NCKAP5: variants seen among roughly 807,000 people sequenced by gnomAD.
NCKAP5 encodes nck-associated protein 5.
NCKAP5 carries 92 observed loss-of-function variants against 167.0 expected under a neutral mutation model. That is an observed-to-expected ratio of 0.55 (90% CI 0.47 to 0.66). The LOEUF (loss-of-function observed/expected upper bound fraction) is 0.66. NCKAP5 is among the 30% of genes least tolerant of loss of function. The pLI, the probability that NCKAP5 is intolerant of heterozygous loss-of-function variation, is 0.00. For missense variants in NCKAP5, 2,378 were observed against 2,315.0 expected (o/e 1.03, Z -0.56); for synonymous variants, 891 against 877.4 (o/e 1.02, Z -0.27).
chr2:133,482,705 T>C (rs1204161275), intron 3 of NCKAP5, among the ~76,000 whole-genome samples: 1 of 152,230 alleles, frequency 6.6e-6, no homozygotes, highest in East Asian at 1.9e-4. Flanking sequence ...TCTAGATTTT[T>C]GAGAAATCTC....
chr2:133,219,225 G>C (rs543975279), intron 4 of NCKAP5, among the ~76,000 whole-genome samples: 1 of 152,320 alleles, frequency 6.6e-6, no homozygotes, highest in Non-Finnish European at 1.5e-5. Flanking sequence ...GTAGGCCACA[G>C]GGGAGGCAAT....
At chr2:133,442,958 T>G (rs569055351) in intron 3 of NCKAP5, among the ~76,000 whole-genome samples, 1 of 152,246 alleles carries the variant, frequency 6.6e-6, no homozygotes, top group East Asian at 1.9e-4. Context: ...TCTAGTAAGA[T>G]AAACAGCATT....
intron 3 of NCKAP5, among the ~76,000 whole-genome samples, chr2:133,325,837 T>C (rs1332662173): frequency 6.6e-6 from 1 of 152,170 alleles, no homozygotes; most frequent in Admixed American, 6.5e-5. Flanking sequence ...CTTCAGCATT[T>C]GAGTACTCAC....
At chr2:132,862,712 A>T (rs1690010418) in intron 10 of NCKAP5, among the ~76,000 whole-genome samples, 1 of 151,242 alleles carries the variant, frequency 6.6e-6, no homozygotes, top group African/African-American at 2.4e-5. Flanking sequence ...GTCAGCCGAG[A>T]TCGTGCCACT....
chr2:133,437,296 T>C (rs923649811), intron 3 of NCKAP5, among the ~76,000 whole-genome samples: 2 of 150,946 alleles, frequency 1.3e-5, no homozygotes, highest in African/African-American at 4.9e-5. Context: ...GAGGTTGCAG[T>C]GAGCCGAGAT....
chr2:133,615,501 C>T, the NCKAP5 span, among the ~76,000 whole-genome samples: 2 of 152,084 alleles, frequency 1.3e-5, no homozygotes, highest in Non-Finnish European at 1.5e-5. Flanking sequence ...GGTTGCAGTC[C>T]TACTCTCTGA....
chr2:133,660,151 A>G, the NCKAP5 span, among the ~76,000 whole-genome samples: 1 of 152,156 alleles, frequency 6.6e-6, no homozygotes, highest in South Asian at 2.1e-4. Flanking sequence ...ACCTGTCATC[A>G]CTGTATTCCA....
chr2:133,026,676 GT>G (rs2078709078), intron 6 of NCKAP5, among the ~76,000 whole-genome samples: 1 of 152,272 alleles, frequency 6.6e-6, no homozygotes, highest in East Asian at 1.9e-4. Flanking sequence ...AGACTGAACT[GT>G]TTTTGAGAAA....
intron 3 of NCKAP5, among the ~76,000 whole-genome samples, chr2:133,514,075 G>A (rs1042042480): frequency 2.0e-5 from 3 of 152,124 alleles, no homozygotes; most frequent in African/African-American, 4.8e-5. Context: ...AAGAGGACTC[G>A]ATTTCTGGGG....
chr2:132,712,266 T>C (rs992455052), intron 19 of NCKAP5, among the ~76,000 whole-genome samples: 3 of 152,170 alleles, frequency 2.0e-5, no homozygotes, highest in African/African-American at 7.2e-5. Context: ...CCTCTTCCCC[T>C]TTATGCCCAC....
intron 4 of NCKAP5, among the ~76,000 whole-genome samples, chr2:133,283,341 A>C (rs1303083386): frequency 6.6e-6 from 1 of 152,006 alleles, no homozygotes; most frequent in Non-Finnish European, 1.5e-5. Context: ...TCCTTTGTTC[A>C]CCCCCAGTAA....
At chr2:133,361,512 A>T (rs1033096018) in intron 3 of NCKAP5, among the ~76,000 whole-genome samples, 1 of 152,246 alleles carries the variant, frequency 6.6e-6, no homozygotes, top group African/African-American at 2.4e-5. Context: ...GTATTAGTGA[A>T]CAACTTTTGA....
intron 3 of NCKAP5, among the ~76,000 whole-genome samples, chr2:133,398,861 G>T (rs1169840767): frequency 6.6e-6 from 1 of 152,152 alleles, no homozygotes; most frequent in Non-Finnish European, 1.5e-5. Flanking sequence ...GCCCGACAGG[G>T]TTTAAACACT....
At chr2:133,470,222 T>C (rs1692944760) in intron 3 of NCKAP5, among the ~76,000 whole-genome samples, 2 of 152,128 alleles carry the variant, frequency 1.3e-5, no homozygotes, top group Admixed American at 6.5e-5. Flanking sequence ...TTAGTTTTCC[T>C]TCTAACAGAC....
chr2:133,302,930 G>T, intron 4 of NCKAP5, 107 bp downstream of exon 4: 3 of 733,246 alleles, frequency 4.1e-6, no homozygotes, highest in Non-Finnish European at 6.8e-6. Context: ...TTTTTAGCCA[G>T]ACAAGGACTT....
intron 6 of NCKAP5, among the ~76,000 whole-genome samples, chr2:133,082,562 C>T (rs557343091): frequency 6.6e-6 from 1 of 152,238 alleles, no homozygotes; most frequent in African/African-American, 2.4e-5. Context: ...TGGCTGGTGC[C>T]AGCATTTCCA....
intron 3 of NCKAP5, among the ~76,000 whole-genome samples, chr2:133,446,036 A>G (rs1471353553): frequency 6.6e-6 from 1 of 152,176 alleles, no homozygotes; most frequent in Non-Finnish European, 1.5e-5. Flanking sequence ...GCACTTGGCC[A>G]TGTCTTAATG....
At chr2:133,336,060 A>G (rs1212773648) in intron 3 of NCKAP5, among the ~76,000 whole-genome samples, 1 of 152,094 alleles carries the variant, frequency 6.6e-6, no homozygotes, top group East Asian at 1.9e-4. Flanking sequence ...AAGAATTAAG[A>G]GGTGTGGGCC....
intron 3 of NCKAP5, among the ~76,000 whole-genome samples, chr2:133,483,726 T>C (rs1680666387): frequency 6.6e-6 from 1 of 152,200 alleles, no homozygotes; most frequent in Non-Finnish European, 1.5e-5. Flanking sequence ...GGAAACCTTC[T>C]TGAGATTTTC....
Sources: allele counts gnomAD v4.1 joint callset (sites outside exome capture counted in the v4.1 genomes callset), GRCh38; gene constraint gnomAD v4.1.1; transcripts MANE v1.5; gene names NCBI Gene and HGNC (gene_info 2026-07-23, HGNC 2026-07-21).